ERBB4: variants seen among roughly 807,000 people sequenced by gnomAD.
ERBB4 encodes receptor tyrosine-protein kinase erbB-4.
ERBB4 carries 42 observed loss-of-function variants against 158.0 expected under a neutral mutation model. The ratio of observed to expected loss-of-function variants is 0.27; its 90% CI spans 0.21 to 0.34. The LOEUF (loss-of-function observed/expected upper bound fraction) is 0.34, where lower values mean the gene tolerates loss of function less well. Among genes scored for constraint, ERBB4 ranks in the 10% least tolerant of loss-of-function variants. The pLI is 1.00. For missense variants in ERBB4, 1,333 were observed against 1,624.1 expected (o/e 0.82, Z 3.08); for synonymous variants, 583 against 558.7 (o/e 1.04, Z -0.61).
intron 4 of ERBB4, among the ~76,000 whole-genome samples, chr2:211,753,180 T>C (rs1448827906): frequency 2.0e-5 from 3 of 152,174 alleles, no homozygotes; most frequent in Admixed American, 6.5e-5. Context: ...TATGAATCAA[T>C]GCACTTACTA....
At chr2:212,207,254 A>T (rs1359516425) in intron 1 of ERBB4, among the ~76,000 whole-genome samples, 1 of 152,158 alleles carries the variant, frequency 6.6e-6, no homozygotes, top group Non-Finnish European at 1.5e-5. Context: ...TAGAATAAGA[A>T]ATCTAGCCAG....
At chr2:211,715,220 G>T (rs780138636) in intron 7 of ERBB4, among the ~76,000 whole-genome samples, 2 of 152,112 alleles carry the variant, frequency 1.3e-5, no homozygotes, top group Non-Finnish European at 2.9e-5. Flanking sequence ...GAGAAGAAAG[G>T]GAATCTGGTG....
chr2:211,686,069 A>AT (rs536483262), intron 12 of ERBB4, among the ~76,000 whole-genome samples: 323 of 151,714 alleles, frequency 2.1e-3, no homozygotes, highest in African/African-American at 6.7e-3. Context: ...GAATAGAGAG[A>AT]TTTTTTTTCC....
intron 3 of ERBB4, among the ~76,000 whole-genome samples, chr2:211,881,261 T>C (rs1023642597): frequency 6.6e-6 from 1 of 152,190 alleles, no homozygotes; most frequent in Non-Finnish European, 1.5e-5. Flanking sequence ...GTCATGGTGA[T>C]ACAGGCGGTA....
intron 1 of ERBB4, among the ~76,000 whole-genome samples, chr2:212,447,450 C>T (rs1257846977): frequency 6.6e-6 from 1 of 151,978 alleles, no homozygotes; most frequent in Non-Finnish European, 1.5e-5. Context: ...TCCCAGAAAA[C>T]AAAGTCAAGA....
At chr2:212,022,658 A>C (rs910010927) in intron 2 of ERBB4, among the ~76,000 whole-genome samples, 6 of 152,118 alleles carry the variant, frequency 3.9e-5, no homozygotes, top group Non-Finnish European at 7.4e-5. Context: ...ACAAACCTGC[A>C]CATCCTGCAC....
intron 2 of ERBB4, among the ~76,000 whole-genome samples, chr2:211,990,523 AAAATAAATAAAT>A (rs199775547): frequency 8.2e-5 from 11 of 134,442 alleles, no homozygotes; most frequent in East Asian, 2.0e-4. Context: ...AATAAAAATA[AAAATAAATAAAT>A]AAATAAATAA....
chr2:211,594,310 G>T (rs1220464312), intron 19 of ERBB4, among the ~76,000 whole-genome samples: 1 of 151,964 alleles, frequency 6.6e-6, no homozygotes, highest in East Asian at 1.9e-4. Context: ...GTGGAAGCGT[G>T]CACCTGTAGT....
At chr2:212,098,221 A>G (rs2078985849) in intron 2 of ERBB4, among the ~76,000 whole-genome samples, 1 of 152,222 alleles carries the variant, frequency 6.6e-6, no homozygotes, top group Non-Finnish European at 1.5e-5. Context: ...ACTAATTTAC[A>G]TTACATTTCT....
At chr2:211,833,061 T>C (rs939467039) in intron 3 of ERBB4, among the ~76,000 whole-genome samples, 1 of 151,912 alleles carries the variant, frequency 6.6e-6, no homozygotes, top group African/African-American at 2.4e-5. Flanking sequence ...AAAAATAATA[T>C]ATAAGAGTAG....
intron 20 of ERBB4, among the ~76,000 whole-genome samples, chr2:211,534,906 G>T (rs11902471): frequency 6.6e-6 from 1 of 151,858 alleles, no homozygotes; most frequent in Non-Finnish European, 1.5e-5. Flanking sequence ...CCAGCAGCCA[G>T]TTGGAACTGC....
intron 1 of ERBB4, among the ~76,000 whole-genome samples, chr2:212,205,886 A>T (rs2082731305): frequency 6.6e-6 from 1 of 152,214 alleles, no homozygotes; most frequent in African/African-American, 2.4e-5. Context: ...CTGATGTCAG[A>T]TGTCTTTGTT....
intron 16 of ERBB4, among the ~76,000 whole-genome samples, chr2:211,656,020 A>G (rs909031289): frequency 2.6e-5 from 4 of 152,240 alleles, no homozygotes; most frequent in African/African-American, 9.6e-5. Flanking sequence ...AAATTCAGTG[A>G]CACAGATTTG....
At chr2:211,817,415 C>A (rs560736387) in intron 3 of ERBB4, among the ~76,000 whole-genome samples, 12 of 152,020 alleles carry the variant, frequency 7.9e-5, no homozygotes, top group Non-Finnish European at 1.8e-4. Context: ...GGTATAGTTG[C>A]AAAAATCTGG....
intron 1 of ERBB4, among the ~76,000 whole-genome samples, chr2:212,304,952 G>GTA (rs982187145): frequency 2.7e-5 from 4 of 150,862 alleles, no homozygotes; most frequent in African/African-American, 9.8e-5. Flanking sequence ...CTGTGTGTGT[G>GTA]TGTATATATA....
At chr2:211,773,615 T>TA (rs1553630386) in intron 4 of ERBB4, among the ~76,000 whole-genome samples, 1 of 43,882 alleles carries the variant, frequency 2.3e-5, no homozygotes, top group African/African-American at 1.4e-4. Context: ...TATATATATA[T>TA]ATATATATAT....
rs574789559 is a variant in ERBB4 at position 212,439,203 on chromosome 2, C to A, written c.82+99246G>T. Among the ~76,000 whole-genome samples, 6 of 152,140 alleles carry A rather than the reference C, an allele frequency of 3.9e-5. No individual in the cohort carries two copies. In the East Asian group the frequency reaches 1.2e-3, roughly 29 times the overall value. On this transcript the variant is annotated intron_variant, in intron 1 of 27. Coordinates refer to ENST00000342788, the MANE Select transcript of ERBB4 (RefSeq NM_005235.3). ...AATTTACAGATGAGTAAAATGAGGCCAGAACACGTAAAAGACTGCTTCGAG... is the reference window on the plus strand; with the variant it reads ...AATTTACAGATGAGTAAAATGAGGCAAGAACACGTAAAAGACTGCTTCGAG...
chr2:211,762,231 G>T (rs779832958), intron 4 of ERBB4, among the ~76,000 whole-genome samples: 1 of 152,330 alleles, frequency 6.6e-6, no homozygotes, highest in Admixed American at 6.5e-5. Context: ...GGGTTGAAAT[G>T]ATCAGTAAGG....
At chr2:211,850,329 T>C (rs904827409) in intron 3 of ERBB4, among the ~76,000 whole-genome samples, 21 of 151,886 alleles carry the variant, frequency 1.4e-4, no homozygotes, top group Admixed American at 5.3e-4. Flanking sequence ...ATATGCCTTT[T>C]ATTCATATAC....
Sources: allele counts gnomAD v4.1 joint callset (sites outside exome capture counted in the v4.1 genomes callset), GRCh38; gene constraint gnomAD v4.1.1; transcripts MANE v1.5; gene names NCBI Gene and HGNC (gene_info 2026-07-23, HGNC 2026-07-21).